BRINP3: variants seen among roughly 807,000 people sequenced by gnomAD.
The protein encoded by BRINP3 is BMP/retinoic acid inducible neural specific 3, also known as BMP/retinoic acid-inducible neural-specific protein 3.
Under a neutral mutation model 71.0 loss-of-function variants are expected in BRINP3, and 19 were observed. The ratio of observed to expected loss-of-function variants is 0.27; its 90% confidence interval spans 0.19 to 0.39. The LOEUF (loss-of-function observed/expected upper bound fraction) is 0.39. Ranked by LOEUF, BRINP3 falls within the 10% of genes least tolerant of loss-of-function variation. The pLI, the probability that BRINP3 is intolerant of heterozygous loss-of-function variation, is 1.00. For synonymous variants in BRINP3, 380 were observed against 337.7 expected (o/e 1.13, Z -1.37); for missense variants, 959 against 940.8 (o/e 1.02, Z -0.25).
intron 6 of BRINP3, among the ~76,000 whole-genome samples, chr1:190,202,578 A>G (rs1334932030): frequency 2.0e-5 from 3 of 152,236 alleles, no homozygotes; most frequent in African/African-American, 2.4e-5. Flanking sequence ...CCCAAATCTC[A>G]TATTGTAGCT....
chr1:190,373,049 A>T (rs1050892853), intron 2 of BRINP3, among the ~76,000 whole-genome samples: 7 of 152,208 alleles, frequency 4.6e-5, no homozygotes, highest in Admixed American at 4.6e-4. Flanking sequence ...TGAGAAGAAA[A>T]TTAGAATGAT....
intron 2 of BRINP3, among the ~76,000 whole-genome samples, chr1:190,407,510 C>T (rs895900536): frequency 7.9e-5 from 12 of 152,186 alleles, no homozygotes; most frequent in East Asian, 1.9e-4. Flanking sequence ...AGAGAGTATA[C>T]GCTTTAAGGC....
At chr1:190,452,787 G>T (rs759837717) in intron 2 of BRINP3, among the ~76,000 whole-genome samples, 1 of 152,112 alleles carries the variant, frequency 6.6e-6, no homozygotes, top group Non-Finnish European at 1.5e-5. Context: ...AACCCAGGAG[G>T]CGGAGGTTGC....
intron 7 of BRINP3, among the ~76,000 whole-genome samples, chr1:190,122,058 G>A (rs1278370193): frequency 6.6e-6 from 1 of 152,144 alleles, no homozygotes; most frequent in Non-Finnish European, 1.5e-5. Flanking sequence ...TGTTTCAACT[G>A]ACATGATTCC....
At chr1:190,390,885 G>C (rs1671210060) in intron 2 of BRINP3, among the ~76,000 whole-genome samples, 1 of 151,824 alleles carries the variant, frequency 6.6e-6, no homozygotes, top group Non-Finnish European at 1.5e-5. Context: ...GGAGATTAAT[G>C]TTTAGCATAT....
At chr1:190,292,385 C>T (rs577815050) in intron 2 of BRINP3, among the ~76,000 whole-genome samples, 4 of 152,204 alleles carry the variant, frequency 2.6e-5, no homozygotes, top group East Asian at 1.9e-4. Context: ...TGGGCACAGT[C>T]GCTCATGCCT....
chr1:190,360,833 A>G (rs1443733271), intron 2 of BRINP3, among the ~76,000 whole-genome samples: 1 of 152,116 alleles, frequency 6.6e-6, no homozygotes, highest in Admixed American at 6.6e-5. Context: ...GGAACTTGCA[A>G]TCTAGAGAAA....
chr1:190,247,574 T>C (rs1424492837), intron 4 of BRINP3, among the ~76,000 whole-genome samples: 1 of 151,932 alleles, frequency 6.6e-6, no homozygotes, highest in Non-Finnish European at 1.5e-5. Flanking sequence ...AGAACTCATC[T>C]ATCCTATCTA....
intron 2 of BRINP3, among the ~76,000 whole-genome samples, chr1:190,430,540 CCCAA>C (rs1558280205): frequency 6.6e-6 from 1 of 152,050 alleles, no homozygotes; most frequent in African/African-American, 2.4e-5. Flanking sequence ...AGTTCAGAGT[CCCAA>C]TTTTGGGTAG....
intron 2 of BRINP3, among the ~76,000 whole-genome samples, chr1:190,408,004 CTTTTCT>C (rs1293545162): frequency 7.6e-6 from 1 of 130,988 alleles, no homozygotes; most frequent in Admixed American, 7.8e-5. Flanking sequence ...GATGTACTTT[CTTTTCT>C]ACATTTGTCT....
intron 2 of BRINP3, among the ~76,000 whole-genome samples, chr1:190,441,843 A>C (rs1224978513): frequency 1.3e-5 from 2 of 152,212 alleles, no homozygotes; most frequent in East Asian, 3.9e-4. Context: ...TAAACATTGA[A>C]GAGATAGAAT....
chr1:190,390,787 T>G (rs1280223869), intron 2 of BRINP3, among the ~76,000 whole-genome samples: 1 of 151,726 alleles, frequency 6.6e-6, no homozygotes, highest in Non-Finnish European at 1.5e-5. Context: ...AATACATAGA[T>G]AAAAGAATGA....
intron 7 of BRINP3, among the ~76,000 whole-genome samples, chr1:190,141,944 A>C (rs1429254896): frequency 6.6e-6 from 1 of 152,162 alleles, no homozygotes; most frequent in Non-Finnish European, 1.5e-5. Context: ...GGATCAAAAA[A>C]GATATCGATT....
chr1:190,104,458 A>G (rs1409737788), intron 7 of BRINP3, among the ~76,000 whole-genome samples: 1 of 152,076 alleles, frequency 6.6e-6, no homozygotes, highest in East Asian at 1.9e-4. Flanking sequence ...TCCTACTATC[A>G]TCTTTTAAAG....
At chr1:190,265,536 C>G (rs895441446) in intron 3 of BRINP3, among the ~76,000 whole-genome samples, 1 of 66,982 alleles carries the variant, frequency 1.5e-5, no homozygotes, top group Non-Finnish European at 3.2e-5. Context: ...CCCGTCTCTA[C>G]TAAATATATA....
intron 2 of BRINP3, among the ~76,000 whole-genome samples, chr1:190,425,001 A>T (rs1673610859): frequency 6.6e-6 from 1 of 151,596 alleles, no homozygotes; most frequent in South Asian, 2.1e-4. Flanking sequence ...ATTTAAAGGA[A>T]ACCAGAACTG....
intron 2 of BRINP3, among the ~76,000 whole-genome samples, chr1:190,318,780 G>T (rs1236403054): frequency 6.6e-6 from 1 of 151,626 alleles, no homozygotes; most frequent in African/African-American, 2.4e-5. Context: ...AATTCATTCT[G>T]TCTTTCACTT....
At chr1:190,216,613 A>C (rs1215559053) in intron 6 of BRINP3, among the ~76,000 whole-genome samples, 2 of 151,874 alleles carry the variant, frequency 1.3e-5, no homozygotes, top group Admixed American at 6.6e-5. Context: ...TTACAGAACA[A>C]AATGAATCAA....
intron 7 of BRINP3, among the ~76,000 whole-genome samples, chr1:190,123,307 G>C (rs1653832365): frequency 6.6e-6 from 1 of 152,034 alleles, no homozygotes; most frequent in Non-Finnish European, 1.5e-5. Context: ...GGGAACTGGG[G>C]CAAATATGCA....
Sources: gnomAD v4.1 joint callset for allele counts (sites outside exome capture counted in the v4.1 genomes callset) on GRCh38, gnomAD v4.1.1 for gene constraint, MANE v1.5 for transcripts, NCBI Gene and HGNC (gene_info 2026-07-23, HGNC 2026-07-21) for gene names.